The following SPATC1L variants were observed in gnomAD, a reference collection of about 807,000 sequenced individuals.
SPATC1L encodes spermatogenesis and centriole associated 1 like.
A neutral mutation model predicts 21.2 loss-of-function variants in SPATC1L; 20 were observed. The observed-to-expected ratio is 0.94, with a 90% confidence interval of 0.66 to 1.37. The LOEUF (loss-of-function observed/expected upper bound fraction) is 1.37, where lower values mean the gene tolerates loss of function less well. SPATC1L is among the 40% of genes most tolerant of loss of function. The pLI, the probability that SPATC1L is intolerant of heterozygous loss-of-function variation, is 0.00. For synonymous variants in SPATC1L, 290 were observed against 234.5 expected (o/e 1.24, Z -2.16); for missense variants, 499 against 478.7 (o/e 1.04, Z -0.40).
Position 46,162,035 on chromosome 21 carries a change from C to A in SPATC1L, c.577G>T (p.Ala193Ser). The change falls in exon 4 of 5, where the codon GCG becomes TCG. Residue 193 changes from alanine (A) to serine (S), a missense_variant. Ala to Ser is a moderately conservative substitution (Grantham distance 99). Transcript: ENST00000291672. ...AAGGCGATCTCGCCCACCACGCGCG[C>A]GTCCTTCTCGGCGCCCGCGAAGCTC... Reference protein sequence around the residue: ...IQSFAGAEKDARVVGEIAFQL... With the variant: ...IQSFAGAEKDSRVVGEIAFQL... The A allele has an allele frequency of 6.3e-7, 1 of 1,589,500 alleles. No homozygotes were observed. Among genetic ancestry groups the A allele is most frequent in the Non-Finnish European group, 8.5e-7 (1 of 1,170,298 alleles).
Position 46,182,867 on chromosome 21 carries a change from T to C in SPATC1L, c.-51A>G. On this transcript the variant is annotated 5_prime_UTR_variant, in exon 2 of 5. Coordinates refer to ENST00000291672, the MANE Select transcript of SPATC1L (RefSeq NM_001142854.2). ...CACGGCTCCTGCAGCCCCATGGAGG[T>C]GGGAGCCCAGAGCCCGCAGGCACCA... 1 of 1,454,294 alleles carries C rather than the reference T, an allele frequency of 6.9e-7. No individual in the cohort carries two copies. The allele number at this position is 1,454,294 out of a possible 1,614,324, so 90.1% of individuals were successfully genotyped here.
At chr21:46,167,785 T>C (rs2079551333) in intron 3 of SPATC1L, among the ~76,000 whole-genome samples, 1 of 152,174 alleles carries the variant, frequency 6.6e-6, no homozygotes, top group African/African-American at 2.4e-5. Context: ...CCTCACACCA[T>C]ATATGAAAAT....
At chr21:46,165,924 G>A (rs560578199) in intron 3 of SPATC1L, among the ~76,000 whole-genome samples, 6 of 152,216 alleles carry the variant, frequency 3.9e-5, no homozygotes, top group South Asian at 2.1e-4. Context: ...TTCAAGGCTC[G>A]GGTAGTTTCA....
At chr21:46,179,039 G>C (rs2079652365) in intron 2 of SPATC1L, among the ~76,000 whole-genome samples, 1 of 150,692 alleles carries the variant, frequency 6.6e-6, no homozygotes, top group Non-Finnish European at 1.5e-5. Flanking sequence ...AGGAGTTTGG[G>C]ACTGGCCTGG....
intron 2 of SPATC1L, 41 bp downstream of exon 2, chr21:46,182,583 C>G: frequency 7.0e-7 from 1 of 1,425,228 alleles, no homozygotes; most frequent in Non-Finnish European, 9.2e-7. Flanking sequence ...GTCCCGCGAC[C>G]CCCTCATCTA....
intron 2 of SPATC1L, among the ~76,000 whole-genome samples, chr21:46,178,734 A>G (rs898917320): frequency 6.6e-6 from 1 of 152,104 alleles, no homozygotes; most frequent in African/African-American, 2.4e-5. Context: ...TAAAAATACA[A>G]AAAGTAGCCA....
chr21:46,184,118 C>T (rs546088517), intron 1 of SPATC1L, among the ~76,000 whole-genome samples: 10 of 151,682 alleles, frequency 6.6e-5, no homozygotes, highest in Admixed American at 5.3e-4. Context: ...TCCAGCAGTG[C>T]ATGTCCACCC....
At chr21:46,177,495 A>G (rs184804223) in intron 2 of SPATC1L, among the ~76,000 whole-genome samples, 1 of 152,374 alleles carries the variant, frequency 6.6e-6, no homozygotes, top group African/African-American at 2.4e-5. Context: ...CAACGAGCAT[A>G]TGAAAAAAGG....
intron 2 of SPATC1L, among the ~76,000 whole-genome samples, chr21:46,169,434 C>T (rs1185162402): frequency 1.5e-5 from 1 of 67,614 alleles, no homozygotes; most frequent in Admixed American, 1.2e-4. Flanking sequence ...GGGGAGGAGC[C>T]CCTGCTCTGT....
intron 3 of SPATC1L, among the ~76,000 whole-genome samples, chr21:46,165,669 AT>A: frequency 8.0e-6 from 1 of 125,564 alleles, no homozygotes. Flanking sequence ...AGCCTCTCCT[AT>A]AGAAGCCTTC....
intron 2 of SPATC1L, among the ~76,000 whole-genome samples, chr21:46,169,277 GC>G (rs1345640400): frequency 1.6e-5 from 2 of 128,524 alleles, no homozygotes; most frequent in East Asian, 4.1e-4. Context: ...ATGAGGAGGA[GC>G]CCCCTGCTCT....
In SPATC1L at chr21:46,168,537, G is replaced by T; in HGVS notation, c.315C>A (p.Gly105=). Residue 105 remains glycine (G), a synonymous_variant, in exon 3 of 5, where the codon GGC becomes GGA. Transcript: ENST00000291672. ...PLSSEDDTSP[G]CAAPSQAPFK... Reference sequence around the variant, plus strand: ...AGGGTGCCTGGGAGGGGGCTGCACAGCCCGGGGAGGTGTCGTCCTCGCTGG... The same window carrying T: ...AGGGTGCCTGGGAGGGGGCTGCACATCCCGGGGAGGTGTCGTCCTCGCTGG... The T allele has an allele frequency of 6.6e-7, 1 of 1,517,662 alleles. No homozygotes were observed. The highest frequency in any genetic ancestry group is 8.9e-7 in the Non-Finnish European group (1 of 1,121,674). 94.0% of individuals were successfully genotyped at this position (1,517,662 alleles called of 1,614,324 possible). A position where few individuals can be genotyped will look rare whatever the true frequency, so the allele number is the denominator to read the frequency against.
chr21:46,175,427 G>C (rs1467846631), intron 2 of SPATC1L, among the ~76,000 whole-genome samples: 1 of 151,994 alleles, frequency 6.6e-6, no homozygotes, highest in Non-Finnish European at 1.5e-5. Context: ...GACTAATAAA[G>C]AAGAAAAGAG....
chr21:46,161,828 C>A, intron 4 of SPATC1L, 88 bp downstream of exon 4: 1 of 1,533,954 alleles, frequency 6.5e-7, no homozygotes, highest in Non-Finnish European at 8.7e-7. Context: ...GCGGACAGTG[C>A]CCGGCCAGGA....
chr21:46,175,046 G>A (rs965302546), intron 2 of SPATC1L, among the ~76,000 whole-genome samples: 3 of 152,130 alleles, frequency 2.0e-5, no homozygotes, highest in Non-Finnish European at 2.9e-5. Flanking sequence ...TGAATAACCC[G>A]CCCCTGAATG....
chr21:46,183,511 C>T lies in SPATC1L; in HGVS notation c.-695G>A. On this transcript the variant is annotated 5_prime_UTR_variant, in exon 2 of 5. Transcript: ENST00000291672. ...GAGACCAGCCTGCAGGGGAGACCAG[C>T]TTGCGGGGGAGACCAGCCTGCGGGG... The T allele has an allele frequency of 7.9e-6, 1 of 125,794 alleles. No individual in the cohort carries two copies. Among genetic ancestry groups the T allele is most frequent in the South Asian group, 1.4e-4 (1 of 7,214 alleles). 7.8% of individuals were successfully genotyped at this position (125,794 alleles called of 1,614,324 possible).
Position 46,172,159 on chromosome 21 carries a change from T to C in SPATC1L, c.194-3501A>G, listed in dbSNP as rs1214575101. On this transcript the variant is annotated intron_variant, in intron 2 of 4. Transcript: ENST00000291672. ...TGTGAGGTGGGGGATGCAAAGAGCG[T>C]GAGGCGGGGGATGCACAGAGCGTGA... is the stretch of plus-strand genomic sequence containing the variant. 7.8e-3 allele frequency among the ~76,000 whole-genome samples: 44 copies of C among 5,660 alleles called. 1 individual carries two copies. The highest frequency in any genetic ancestry group is 0.053 in the East Asian group (8 of 150). 3.7% of individuals were successfully genotyped at this position (5,660 alleles called of 152,430 possible).
intron 3 of SPATC1L, among the ~76,000 whole-genome samples, chr21:46,164,872 A>G (rs2079529345): frequency 6.6e-6 from 1 of 152,066 alleles, no homozygotes; most frequent in Non-Finnish European, 1.5e-5. Flanking sequence ...GAAACATCCT[A>G]TAGAAGAGAA....
Position 46,168,399 on chromosome 21 carries a change from C to A in SPATC1L, c.453G>T (p.Glu151Asp), listed in dbSNP as rs766227022. The change falls in exon 3 of 5, where the codon GAG (glutamate) becomes GAT (aspartate). Residue 151 changes from glutamate (E) to aspartate (D), a missense_variant. Transcript: ENST00000291672. ...QDSLVDKTLL[E>D]PREMVRPKKV... ...TCTTAGGCCGGACCATCTCCCTGGG[C>A]TCCAGCAGGGTCTTGTCCACCAGTG... The A allele has an allele frequency of 6.2e-7, 1 of 1,613,020 alleles. No homozygotes were observed. Among genetic ancestry groups the A allele is most frequent in the Non-Finnish European group, 8.5e-7 (1 of 1,179,360 alleles).
Sources: allele counts gnomAD v4.1 joint callset (sites outside exome capture counted in the v4.1 genomes callset), GRCh38; gene constraint gnomAD v4.1.1; transcripts MANE v1.5; gene names NCBI Gene and HGNC (gene_info 2026-07-23, HGNC 2026-07-21).